Variants in CLC observed in about 807,000 individuals in gnomAD.
CLC encodes the protein galectin-10.
CLC carries 15 observed loss-of-function variants against 13.9 expected under a neutral mutation model. The observed-to-expected ratio is 1.08, with a 90% CI of 0.72 to 1.66. CLC has a LOEUF of 1.66. CLC is among the 40% of genes most tolerant of loss of function. The pLI, the probability that CLC is intolerant of heterozygous loss-of-function variation, is 0.00. For missense variants in CLC, 161 were observed against 169.1 expected (o/e 0.95, Z 0.27); for synonymous variants, 68 against 59.9 (o/e 1.14, Z -0.63).
intron 3 of CLC, chr19:39,733,821 T>G: frequency 2.8e-6 from 1 of 360,468 alleles, no homozygotes; most frequent in Non-Finnish European, 3.5e-6. Flanking sequence ...GTTCTGAGGA[T>G]TGGGATTGAG....
At chr19:39,731,593 C>G in intron 3 of CLC, 88 bp from the exon 4 acceptor site, 1 of 1,401,724 alleles carries the variant, frequency 7.1e-7, no homozygotes, top group Non-Finnish European at 9.6e-7. Flanking sequence ...GTACCTGAAA[C>G]ATCCAACCAG....
At chr19:39,733,634 A>G (rs1967261062) in intron 3 of CLC, among the ~76,000 whole-genome samples, 1 of 152,210 alleles carries the variant, frequency 6.6e-6, no homozygotes, top group South Asian at 2.1e-4. Flanking sequence ...CCATGGATAG[A>G]TTATTTCTCC....
Position 39,734,395 on chromosome 19 carries a change from A to C in CLC, c.191T>G (p.Met64Arg), listed in dbSNP as rs763657991. 11 of 1,614,012 alleles carry C rather than the reference A, an allele frequency of 6.8e-6. No homozygotes were observed. The South Asian group carries it at 1.1e-4, about 16-fold the overall frequency. ...FQVCFGRRVV[M>R]NSREYGAWKQ... ...CCAGGCCCCATACTCACGGCTGTTC[A>C]TGACCACACGACGACCAAAGCACAC... Residue 64 changes from methionine to arginine, a missense_variant, in exon 3 of 4, where the codon ATG becomes AGG. Transcript: ENST00000221804.
At position 39,735,080 on chromosome 19, in the gene CLC, G is replaced by C; in HGVS notation, c.16-7C>G. The C allele has an allele frequency of 6.2e-7, 1 of 1,611,912 alleles. No homozygotes were observed. The highest frequency in any genetic ancestry group is 8.5e-7 in the Non-Finnish European group (1 of 1,178,056). On this transcript the variant is annotated splice_polypyrimidine_tract_variant and splice_region_variant and intron_variant, in intron 1 of 3. Transcript: ENST00000221804. The stretch of plus-strand genomic sequence containing the variant: ...CAGCCTCTGTGTATGGCACCTGCCA[G>C]GGGATTGAGAGTGGGTGAGAGAGGC...
At position 39,731,512 on chromosome 19, in the gene CLC, A is replaced by C. The variant is rs1394719964; in HGVS notation, c.304-7T>G. The C allele has an allele frequency of 6.3e-7, 1 of 1,596,934 alleles. No individual in the cohort carries two copies. The highest frequency in any genetic ancestry group is 8.6e-7 in the Non-Finnish European group (1 of 1,168,576). On this transcript the variant is annotated splice_polypyrimidine_tract_variant and splice_region_variant and intron_variant, in intron 3 of 3. Transcript: ENST00000221804. ...ATTGGCCATTGACCATTACCTACAGAAGGAAAAAAATACATCAGAAAGACA... is the reference window on the plus strand; with the variant it reads ...ATTGGCCATTGACCATTACCTACAGCAGGAAAAAAATACATCAGAAAGACA...
At chr19:39,734,124 CA>C (rs1967269757) in intron 3 of CLC, 158 bp downstream of exon 3, 1 of 964,228 alleles carries the variant, frequency 1.0e-6, no homozygotes. Flanking sequence ...AAGCCTGGGA[CA>C]GGGGGAGTTA....
rs1306700827 is a variant in CLC at position 39,734,340 on chromosome 19, G to T, written c.246C>A (p.Pro82=). The T allele has an allele frequency of 6.2e-7, 1 of 1,614,078 alleles. No homozygotes were observed. Among genetic ancestry groups the T allele is most frequent in the East Asian group, 2.2e-5 (1 of 44,868 alleles). The change falls in exon 3 of 4, where the codon CCC becomes CCA. Residue 82 remains proline, a synonymous_variant. Coordinates refer to ENST00000221804, the MANE Select transcript of CLC (RefSeq NM_001828.6). ...GTTCAAATTCTTGGCCATCCTGAAA[G>T]GGCATATTCTTGGATTCCACCTGCT... ...WKQQVESKNM[P]FQDGQEFELS...
At chr19:39,737,209 C>A (rs1239753505) in intron 1 of CLC, among the ~76,000 whole-genome samples, 1 of 151,542 alleles carries the variant, frequency 6.6e-6, no homozygotes, top group African/African-American at 2.4e-5. Context: ...ACCTAAGGAA[C>A]CATCAGCCCC....
At chr19:39,737,139 G>A (rs986016620) in intron 1 of CLC, among the ~76,000 whole-genome samples, 15 of 151,950 alleles carry the variant, frequency 9.9e-5, no homozygotes, top group Non-Finnish European at 2.1e-4. Context: ...GGCTAGGGTA[G>A]GAGACAGGGA....
At chr19:39,735,557 C>G (rs896337531) in intron 1 of CLC, among the ~76,000 whole-genome samples, 1 of 152,152 alleles carries the variant, frequency 6.6e-6, no homozygotes, top group African/African-American at 2.4e-5. Context: ...CTCAAGGGAT[C>G]CTCTTGTCTC....
At chr19:39,734,257 G>A in intron 3 of CLC, 26 bp downstream of exon 3, 2 of 1,606,700 alleles carry the variant, frequency 1.2e-6, no homozygotes, top group Non-Finnish European at 1.7e-6. Flanking sequence ...TGGAAGCCGG[G>A]TGCGGGGAGC....
intron 1 of CLC, 144 bp from the exon 2 acceptor site, chr19:39,735,217 G>A (rs372081): frequency 8.3e-5 from 51 of 613,174 alleles, no homozygotes; most frequent in Non-Finnish European, 1.3e-4. Context: ...TCAGGACCCC[G>A]TATTTTTCAA....
chr19:39,732,093 T>A (rs894294176), intron 3 of CLC, among the ~76,000 whole-genome samples: 2 of 149,132 alleles, frequency 1.3e-5, no homozygotes, highest in African/African-American at 2.5e-5. Context: ...TTATTTTTTT[T>A]ATTATACTTT....
intron 3 of CLC, 80 bp from the exon 4 acceptor site, chr19:39,731,585 A>T: frequency 6.9e-7 from 1 of 1,452,492 alleles, no homozygotes; most frequent in Non-Finnish European, 9.2e-7. Flanking sequence ...GTGTCATAGT[A>T]CCTGAAACAT....
In CLC at chr19:39,734,278, C is replaced by G. The variant is rs1441711064; in HGVS notation, c.303+5G>C. 1 of 1,612,714 alleles carries G rather than the reference C, an allele frequency of 6.2e-7. No homozygotes were observed. The highest frequency in any genetic ancestry group is 8.5e-7 in the Non-Finnish European group (1 of 1,179,818). ...CCGGGTGCGGGGAGCTCCTGGGGTG[C>G]TCACCTGGTACTTATCTGGCAGCAC... On this transcript the variant is annotated splice_donor_5th_base_variant and intron_variant, in intron 3 of 3. Coordinates refer to ENST00000221804, the MANE Select transcript of CLC (RefSeq NM_001828.6).
Position 39,734,397 on chromosome 19 carries a change from G to A in CLC, c.189C>T (p.Val63=). Residue 63 remains valine (V), a synonymous_variant, in exon 3 of 4, where the codon GTC becomes GTT. Coordinates refer to ENST00000221804, the MANE Select transcript of CLC (RefSeq NM_001828.6). ...AGGCCCCATACTCACGGCTGTTCATGACCACACGACGACCAAAGCACACTT... is the reference window on the plus strand; with the variant it reads ...AGGCCCCATACTCACGGCTGTTCATAACCACACGACGACCAAAGCACACTT... ...HFQVCFGRRV[V]MNSREYGAWK... 1 of 1,614,054 alleles carries A rather than the reference G, an allele frequency of 6.2e-7. No individual in the cohort carries two copies. Among genetic ancestry groups the A allele is most frequent in the South Asian group, 1.1e-5 (1 of 91,072 alleles).
chr19:39,731,534 G>C (rs971185504), intron 3 of CLC, 29 bp from the exon 4 acceptor site: 2 of 1,583,068 alleles, frequency 1.3e-6, no homozygotes, highest in Non-Finnish European at 1.7e-6. Flanking sequence ...ACATCAGAAA[G>C]ACAGTATTTC....
chr19:39,732,105 A>G (rs1967235676), intron 3 of CLC, among the ~76,000 whole-genome samples: 1 of 144,962 alleles, frequency 6.9e-6, no homozygotes, highest in African/African-American at 2.6e-5. Context: ...TTATACTTTA[A>G]GTTTTAGGGT....
At position 39,737,767 on chromosome 19, in the gene CLC, C is replaced by T. The variant is rs541947037; in HGVS notation, c.15+171G>A. ...TCCAGCATCCACACCCCCTACCCCC[C>T]TACCCCAGGAGCATCTCAGATACCA... is the stretch of plus-strand genomic sequence containing the variant. On this transcript the variant is annotated intron_variant, in intron 1 of 3. Transcript: ENST00000221804. 3.2e-4 allele frequency among the ~76,000 whole-genome samples: 48 copies of T among 152,240 alleles called. No individual in the cohort carries two copies. The South Asian group carries it at 7.5e-3, about 24-fold the overall frequency.
Sources: gnomAD v4.1 joint callset for allele counts (sites outside exome capture counted in the v4.1 genomes callset) on GRCh38, gnomAD v4.1.1 for gene constraint, MANE v1.5 for transcripts, NCBI Gene and HGNC (gene_info 2026-07-23, HGNC 2026-07-21) for gene names.